Variants in RASAL2 observed in about 807,000 individuals in gnomAD.
RASAL2 encodes the protein ras GTPase-activating protein nGAP.
Under a neutral mutation model 128.9 loss-of-function variants are expected in RASAL2, and 58 were observed. The ratio of observed to expected loss-of-function variants is 0.45; its 90% CI spans 0.36 to 0.56. The LOEUF (loss-of-function observed/expected upper bound fraction) is 0.56. RASAL2 is among the 20% of genes least tolerant of loss of function. RASAL2 has a pLI of 0.00. For synonymous variants in RASAL2, 561 were observed against 580.8 expected, an observed-to-expected ratio of 0.97 and a Z score of 0.49; for missense variants, 1,360 against 1,601.6, an observed-to-expected ratio of 0.85 and a Z score of 2.57.
chr1:178,307,455 A>T (rs1349154588), intron 3 of RASAL2, among the ~76,000 whole-genome samples: 3 of 152,208 alleles, frequency 2.0e-5, no homozygotes, highest in African/African-American at 4.8e-5. Context: ...CATGCAAAGC[A>T]TGACTTGCTG....
At chr1:178,388,456 T>C (rs1024927373) in intron 3 of RASAL2, among the ~76,000 whole-genome samples, 3 of 152,204 alleles carry the variant, frequency 2.0e-5, no homozygotes, top group African/African-American at 7.2e-5. Flanking sequence ...TGACTAGTGA[T>C]GGTTAGAGAG....
intron 14 of RASAL2, among the ~76,000 whole-genome samples, chr1:178,462,245 T>C (rs1678253773): frequency 6.6e-6 from 1 of 152,164 alleles, no homozygotes; most frequent in Non-Finnish European, 1.5e-5. Context: ...AAGAAGCCTT[T>C]GGTGCCCTTC....
rs917868846 is a variant in RASAL2, at chr1:178,380,812, G to C, written c.458-9288G>C. Among the ~76,000 whole-genome samples the C allele has an allele frequency of 3.1e-4, 47 of 152,132 alleles. 1 individual carries two copies. Among genetic ancestry groups the C allele is most frequent in the African/African-American group, 1.1e-3 (44 of 41,422 alleles). Reference sequence around the variant, plus strand: ...ACAATCACAAGATGATTCCAATCTTGCAGTGACTTAAGACCTCCATTATGG... The same window carrying C: ...ACAATCACAAGATGATTCCAATCTTCCAGTGACTTAAGACCTCCATTATGG... On this transcript the variant is annotated intron_variant, in intron 3 of 17. Transcript: ENST00000367649.
In RASAL2 at chr1:178,129,724, C is replaced by T. The variant is rs567896436; in HGVS notation, c.202+35030C>T. The stretch of plus-strand genomic sequence containing the variant: ...ATAGTTTAGTTTTAAAATTTAGACC[C>T]GTGATCCATTTAAGTTAATTTTTGT... On this transcript the variant is annotated intron_variant, in intron 1 of 17. Coordinates refer to ENST00000367649, the MANE Select transcript of RASAL2 (RefSeq NM_170692.4). Among the ~76,000 whole-genome samples the T allele has an allele frequency of 7.9e-5, 12 of 151,802 alleles. No homozygotes were observed. In the South Asian group the frequency reaches 1.5e-3, roughly 18 times the overall value.
chr1:178,311,289 T>C (rs956738985), intron 3 of RASAL2, among the ~76,000 whole-genome samples: 16 of 69,664 alleles, frequency 2.3e-4, no homozygotes, highest in African/African-American at 4.4e-4. Flanking sequence ...CACACACACA[T>C]TGAAAGCTGA....
intron 1 of RASAL2, among the ~76,000 whole-genome samples, chr1:178,185,948 G>C (rs1228611823): frequency 2.0e-5 from 3 of 152,088 alleles, no homozygotes; most frequent in African/African-American, 7.2e-5. Flanking sequence ...GGAAGAGATT[G>C]TGGAGAATTG....
rs11806498 is a variant in RASAL2 at position 178,320,464 on chromosome 1, C to G, written c.457+20346C>G. Among the ~76,000 whole-genome samples, 848 of 152,340 alleles carry G rather than the reference C, an allele frequency of 5.6e-3. 11 individuals carry two copies. Among genetic ancestry groups the G allele is most frequent in the African/African-American group, 0.019 (793 of 41,570 alleles). On this transcript the variant is annotated intron_variant, in intron 3 of 17. Coordinates refer to ENST00000367649, the MANE Select transcript of RASAL2 (RefSeq NM_170692.4). ...AGCGAGACTCCGTGGGCGTAGGACC[C>G]TCCGAGCCAGGTGTGGGATATAGTC... is the stretch of plus-strand genomic sequence containing the variant.
intron 1 of RASAL2, among the ~76,000 whole-genome samples, chr1:178,172,702 A>G (rs543916844): frequency 6.6e-6 from 1 of 152,242 alleles, no homozygotes; most frequent in South Asian, 2.1e-4. Flanking sequence ...ACACTTAAGC[A>G]TATACACTAG....
chr1:178,262,276 C>T (rs1181784763), intron 1 of RASAL2, among the ~76,000 whole-genome samples: 1 of 152,054 alleles, frequency 6.6e-6, no homozygotes, highest in Non-Finnish European at 1.5e-5. Flanking sequence ...TCCCAGTATC[C>T]TTGGAAACAC....
At chr1:178,279,053 G>C (rs534398451) in intron 1 of RASAL2, among the ~76,000 whole-genome samples, 2 of 152,270 alleles carry the variant, frequency 1.3e-5, no homozygotes, top group African/African-American at 4.8e-5. Flanking sequence ...TTGCTTTTTA[G>C]ACTTAGTGGC....
At chr1:178,133,654 T>C (rs549234044) in intron 1 of RASAL2, among the ~76,000 whole-genome samples, 1 of 152,318 alleles carries the variant, frequency 6.6e-6, no homozygotes, top group South Asian at 2.1e-4. Context: ...ATAAAAATTC[T>C]GGTTAGGGCT....
intron 1 of RASAL2, among the ~76,000 whole-genome samples, chr1:178,142,881 A>G (rs1436048090): frequency 6.6e-6 from 1 of 152,008 alleles, no homozygotes; most frequent in Non-Finnish European, 1.5e-5. Flanking sequence ...TCTACCCAGA[A>G]TAGTAGATAC....
At chr1:178,108,729 C>T (rs144473237) in intron 1 of RASAL2, among the ~76,000 whole-genome samples, 136 of 152,224 alleles carry the variant, frequency 8.9e-4, no homozygotes, top group African/African-American at 2.7e-3. Context: ...ATTTGTATCC[C>T]AATCCTGTAG....
chr1:178,381,658 C>A (rs1205107998), intron 3 of RASAL2, among the ~76,000 whole-genome samples: 1 of 151,820 alleles, frequency 6.6e-6, no homozygotes, highest in Non-Finnish European at 1.5e-5. Context: ...GAGGCTCTGG[C>A]ATAATCAAGA....
chr1:178,277,800 A>G lies in RASAL2; in HGVS notation c.203-5764A>G, dbSNP rs191260488. On this transcript the variant is annotated intron_variant, in intron 1 of 17. Coordinates refer to ENST00000367649, the MANE Select transcript of RASAL2 (RefSeq NM_170692.4). ...TTGTTATTTCTTTTTTTAGGTTGGC[A>G]CTAAGATAGATGAAAGGCCCCTGAG... 2.4e-3 allele frequency among the ~76,000 whole-genome samples: 364 copies of G among 152,270 alleles called. 3 individuals are homozygous for G. Among genetic ancestry groups the G allele is most frequent in the Non-Finnish European group, 1.2e-3 (85 of 68,024 alleles).
intron 1 of RASAL2, among the ~76,000 whole-genome samples, chr1:178,118,376 C>T (rs746098146): frequency 1.3e-5 from 2 of 152,016 alleles, no homozygotes; most frequent in Non-Finnish European, 1.5e-5. Context: ...AATTATACAA[C>T]TCACCATAAT....
intron 1 of RASAL2, among the ~76,000 whole-genome samples, chr1:178,251,462 C>G (rs1400949897): frequency 1.3e-5 from 2 of 152,148 alleles, no homozygotes; most frequent in East Asian, 3.8e-4. Context: ...TATACTAAAA[C>G]TATATGTAAA....
chr1:178,294,275 G>C (rs1667398940), intron 2 of RASAL2, among the ~76,000 whole-genome samples: 1 of 152,122 alleles, frequency 6.6e-6, no homozygotes, highest in Non-Finnish European at 1.5e-5. Context: ...GGTTGAAGCA[G>C]AGATACTTCC....
chr1:178,459,341 A>T (rs941384072), intron 14 of RASAL2, among the ~76,000 whole-genome samples: 9 of 151,794 alleles, frequency 5.9e-5, no homozygotes, highest in African/African-American at 2.2e-4. Flanking sequence ...TAATATACAC[A>T]TTCATATAAT....
Sources: gnomAD v4.1 joint callset for allele counts (sites outside exome capture counted in the v4.1 genomes callset) on GRCh38, gnomAD v4.1.1 for gene constraint, MANE v1.5 for transcripts, NCBI Gene and HGNC (gene_info 2026-07-23, HGNC 2026-07-21) for gene names.